The following KLRG1 variants were observed in gnomAD, a reference collection of about 807,000 sequenced individuals.
KLRG1 encodes killer cell lectin-like receptor subfamily G member 1.
A neutral mutation model predicts 21.8 loss-of-function variants in KLRG1; 16 were observed. The observed-to-expected ratio is 0.73, with a 90% CI of 0.50 to 1.11. The LOEUF is 1.11. KLRG1 is among the 50% of genes most tolerant of loss of function. The pLI is 0.00. For missense variants in KLRG1, 173 were observed against 218.3 expected, an observed-to-expected ratio of 0.79 and a Z score of 1.31; for synonymous variants, 69 against 75.9, an observed-to-expected ratio of 0.91 and a Z score of 0.47.
At chr12:9,097,418 A>G in the KLRG1 span, among the ~76,000 whole-genome samples, 2 of 152,196 alleles carry the variant, frequency 1.3e-5, no homozygotes, top group Admixed American at 6.5e-5. Context: ...GCAAACTACT[A>G]TTAGTACATG....
the KLRG1 span, among the ~76,000 whole-genome samples, chr12:9,019,157 C>T: frequency 6.6e-6 from 1 of 152,128 alleles, no homozygotes; most frequent in African/African-American, 2.4e-5. Flanking sequence ...AAATGGCAAA[C>T]AGGTATATGA....
At chr12:9,111,090 A>G in the KLRG1 span, among the ~76,000 whole-genome samples, 156 of 152,318 alleles carry the variant, frequency 1.0e-3, 1 homozygote, top group African/African-American at 3.6e-3. Flanking sequence ...ATATTTCATT[A>G]ATAAATTTAG....
At chr12:9,135,079 A>G in the KLRG1 span, 1 of 197,548 alleles carries the variant, frequency 5.1e-6, no homozygotes. Flanking sequence ...CATCCCTTCT[A>G]CCCCAGAGCC....
the KLRG1 span, among the ~76,000 whole-genome samples, chr12:9,181,642 C>G: frequency 6.6e-6 from 1 of 152,154 alleles, no homozygotes; most frequent in Admixed American, 6.5e-5. Flanking sequence ...CCATCTTTAT[C>G]TCTGACACAT....
At chr12:9,185,965 A>G in the KLRG1 span, among the ~76,000 whole-genome samples, 1 of 151,460 alleles carries the variant, frequency 6.6e-6, no homozygotes, top group Non-Finnish European at 1.5e-5. Flanking sequence ...GCACCATCAC[A>G]CCTGGCTAAT....
At chr12:9,026,823 A>G in the KLRG1 span, among the ~76,000 whole-genome samples, 5 of 151,118 alleles carry the variant, frequency 3.3e-5, no homozygotes, top group East Asian at 9.7e-4. Context: ...TTTTCCTTCT[A>G]TTCATACATT....
At chr12:9,089,848 T>C in the KLRG1 span, 1 of 1,120,282 alleles carries the variant, frequency 8.9e-7, no homozygotes, top group Non-Finnish European at 1.3e-6. Context: ...ATTATTATAT[T>C]ACCCACATAT....
chr12:9,053,314 A>G, the KLRG1 span, among the ~76,000 whole-genome samples: 2 of 152,034 alleles, frequency 1.3e-5, no homozygotes, highest in African/African-American at 4.8e-5. Flanking sequence ...AAAGAAACAA[A>G]GAATGAATAC....
the KLRG1 span, chr12:9,109,357 A>T: frequency 2.0e-5 from 32 of 1,613,510 alleles, no homozygotes; most frequent in Non-Finnish European, 2.7e-5. Context: ...TTCTTCCAAG[A>T]TGGTGATTAT....
the KLRG1 span, among the ~76,000 whole-genome samples, chr12:9,044,197 A>G: frequency 3.3e-5 from 5 of 152,386 alleles, no homozygotes; most frequent in African/African-American, 1.2e-4. Flanking sequence ...AAATGTAAAC[A>G]AAGTACAACT....
chr12:9,101,391 G>C, the KLRG1 span: 12 of 1,448,562 alleles, frequency 8.3e-6, no homozygotes, highest in Admixed American at 1.9e-5. Flanking sequence ...ATGATTACTT[G>C]CTCCACAGAG....
chr12:9,070,246 G>C, the KLRG1 span, among the ~76,000 whole-genome samples: 2 of 152,180 alleles, frequency 1.3e-5, no homozygotes, highest in Non-Finnish European at 2.9e-5. Flanking sequence ...TCTAAGCTAA[G>C]AAGAAATTGA....
At chr12:8,968,570 G>T (rs1401056956) in intron 1 of KLRG1, among the ~76,000 whole-genome samples, 2 of 152,200 alleles carry the variant, frequency 1.3e-5, no homozygotes, top group Non-Finnish European at 2.9e-5. Flanking sequence ...CAGAAAATCT[G>T]TGGTGGTATA....
At chr12:9,027,601 C>A in the KLRG1 span, 1 of 889,934 alleles carries the variant, frequency 1.1e-6, no homozygotes, top group East Asian at 2.4e-5. Context: ...CGTGGTTTGG[C>A]AAAGCATTGG....
the KLRG1 span, among the ~76,000 whole-genome samples, chr12:9,165,616 T>A: frequency 6.6e-6 from 1 of 152,184 alleles, no homozygotes; most frequent in Non-Finnish European, 1.5e-5. Flanking sequence ...AATAAAAATA[T>A]TTGAATTGCG....
the KLRG1 span, chr12:9,169,289 C>T: frequency 2.3e-6 from 2 of 861,396 alleles, no homozygotes; most frequent in East Asian, 5.6e-5. Flanking sequence ...GAGACTTTAA[C>T]CTTTTTATTG....
chr12:9,049,891 T>TA, the KLRG1 span, among the ~76,000 whole-genome samples: 1 of 152,214 alleles, frequency 6.6e-6, no homozygotes, highest in Non-Finnish European at 1.5e-5. Flanking sequence ...ATACGTGTCT[T>TA]ATGTATCAGT....
the KLRG1 span, chr12:9,168,835 A>G: frequency 6.7e-7 from 1 of 1,497,212 alleles, no homozygotes; most frequent in Admixed American, 1.7e-5. Flanking sequence ...ATTGTTGGAC[A>G]TGAAATAAAA....
chr12:9,205,139 T>C, the KLRG1 span, among the ~76,000 whole-genome samples: 870 of 152,316 alleles, frequency 5.7e-3, 3 homozygotes, highest in African/African-American at 0.02. Flanking sequence ...AGTCATATTA[T>C]TTTGAAAAGT....
Sources: allele counts gnomAD v4.1 joint callset (sites outside exome capture counted in the v4.1 genomes callset), GRCh38; gene constraint gnomAD v4.1.1; transcripts MANE v1.5; gene names NCBI Gene and HGNC (gene_info 2026-07-23, HGNC 2026-07-21).